RUSC2: variants seen among roughly 807,000 people sequenced by gnomAD.
The protein encoded by RUSC2 is AP-4 complex accessory subunit RUSC2.
In RUSC2, 34 loss-of-function variants were observed where a neutral mutation model predicts 122.2. The observed-to-expected ratio is 0.28, with a 90% confidence interval of 0.21 to 0.37. The LOEUF is 0.37. RUSC2 is among the 10% of genes least tolerant of loss of function. RUSC2 has a pLI of 1.00. For synonymous variants in RUSC2, 784 were observed against 790.0 expected, an observed-to-expected ratio of 0.99 and a Z score of 0.13; for missense variants, 1,747 against 1,952.4, an observed-to-expected ratio of 0.89 and a Z score of 1.98.
At chr9:35,536,164 T>C (rs1821522890) in intron 1 of RUSC2, among the ~76,000 whole-genome samples, 1 of 141,174 alleles carries the variant, frequency 7.1e-6, no homozygotes, top group Non-Finnish European at 1.6e-5. Context: ...CAGTATGCTT[T>C]TTCTTATAAA....
rs201930817 is a variant in RUSC2 at position 35,547,408 on chromosome 9, G to T, written c.887G>T (p.Arg296Leu). ...TACAACAAGATGCATGGCACCCCCCGTGCCAATCTCAACTCTGCCCCACAG... is the reference window on the plus strand; with the variant it reads ...TACAACAAGATGCATGGCACCCCCCTTGCCAATCTCAACTCTGCCCCACAG... ...TLYNKMHGTP[R>L]ANLNSAPQSC... The change falls in exon 2 of 12, where the codon CGT becomes CTT. Residue 296 changes from arginine to leucine, a missense_variant. Transcript: ENST00000361226. The surrounding 1 kb of genome is among the most constrained non-coding windows in gnomAD (Gnocchi z 4.6). 6.2e-7 allele frequency: 1 copy of T among 1,614,106 alleles called. No homozygotes were observed. Among genetic ancestry groups the T allele is most frequent in the Admixed American group, 1.7e-5 (1 of 60,022 alleles).
intron 1 of RUSC2, among the ~76,000 whole-genome samples, chr9:35,517,286 G>A (rs1821126577): frequency 6.6e-6 from 1 of 152,218 alleles, no homozygotes; most frequent in Non-Finnish European, 1.5e-5. Flanking sequence ...GAGTTCCAGA[G>A]ACCTGGCAAA....
chr9:35,560,562 G>T lies in RUSC2; in HGVS notation c.3922G>T (p.Gly1308Cys). ...SSSEKKKGAG[G>C]GGPPQAPPPR... is the part of the protein sequence containing the mutation. ...CAGCGAGAAAAAGAAAGGGGCAGGA[G>T]GTGGGGGACCTCCCCAGGCTCCACC... Residue 1308 changes from glycine to cysteine, a missense_variant, in exon 10 of 12, where the codon GGT becomes TGT. By Grantham distance (159) the Gly-to-Cys change is radical. Transcript: ENST00000361226. 1 of 1,614,164 alleles carries T rather than the reference G, an allele frequency of 6.2e-7. No homozygotes were observed.
In RUSC2 at chr9:35,558,623, G is replaced by C. The variant is rs897544638; in HGVS notation, c.3341+56G>C. 1 of 1,422,526 alleles carries C rather than the reference G, an allele frequency of 7.0e-7. No homozygotes were observed. Among genetic ancestry groups the C allele is most frequent in the Admixed American group, 1.7e-5 (1 of 59,756 alleles). The allele number at this position is 1,422,526 out of a possible 1,614,324, so 88.1% of individuals were successfully genotyped here. On this transcript the variant is annotated intron_variant, in intron 8 of 11. Coordinates refer to ENST00000361226, the MANE Select transcript of RUSC2 (RefSeq NM_014806.5). This position sits in a 1 kb window ranked among gnomAD's most constrained non-coding sequence, Gnocchi z 4.3. ...ACAACTTGCCCTGCCCCCCACCCCC[G>C]GGCTCTGCCTGCACCAAGGAAACAA...
chr9:35,513,674 A>G (rs897290250), intron 1 of RUSC2, among the ~76,000 whole-genome samples: 1 of 151,918 alleles, frequency 6.6e-6, no homozygotes, highest in Admixed American at 6.6e-5. Flanking sequence ...GGATTGCATC[A>G]TGATTTATTT....
intron 1 of RUSC2, among the ~76,000 whole-genome samples, chr9:35,509,724 G>A (rs1035684142): frequency 3.9e-5 from 6 of 152,178 alleles, no homozygotes; most frequent in Admixed American, 1.3e-4. Flanking sequence ...GAGGGATTCA[G>A]GTTAAAGAAA....
chr9:35,527,531 G>T lies in RUSC2; in HGVS notation c.-92-18899G>T, dbSNP rs1318925357. ...ATTTCGTTCTTTTTCAGATCTGCCT[G>T]GTTATTTCTAATAATTCATTGCCAC... On this transcript the variant is annotated intron_variant, in intron 1 of 11. Transcript: ENST00000361226. Among the ~76,000 whole-genome samples, 3 of 151,818 alleles carry T rather than the reference G, an allele frequency of 2.0e-5. No homozygotes were observed. In the East Asian group the frequency reaches 5.8e-4, roughly 29 times the overall value.
intron 1 of RUSC2, among the ~76,000 whole-genome samples, chr9:35,527,827 A>G (rs1420456999): frequency 6.6e-6 from 1 of 152,228 alleles, no homozygotes. Context: ...GCTGTGGAAC[A>G]CCACCTACCA....
rs760073916 is a variant in RUSC2, at chr9:35,547,014, C to T, written c.493C>T (p.Arg165Trp). The change falls in exon 2 of 12, where the codon CGG (arginine) becomes TGG (tryptophan). Residue 165 changes from arginine to tryptophan, a missense_variant. Physicochemically the swap from Arg to Trp is moderately radical, Grantham distance 101 (BLOSUM62 -3). Coordinates refer to ENST00000361226, the MANE Select transcript of RUSC2 (RefSeq NM_014806.5). The surrounding 1 kb of genome is among the most constrained non-coding windows in gnomAD (Gnocchi z 4.6). ...CAGGCCATGGGGGACAACACGCAGT[C>T]GGGCTGGAGTGGTGGAAGGGCAGGA... ...VGRPWGTTRS[R>W]AGVVEGQEQE... The T allele has an allele frequency of 1.1e-5, 18 of 1,605,644 alleles. No individual in the cohort carries two copies. The highest frequency in any genetic ancestry group is 3.3e-5 in the South Asian group (3 of 89,664).
chr9:35,558,441 G>A lies in RUSC2; in HGVS notation c.3236-21G>A. 1 of 1,613,932 alleles carries A rather than the reference G, an allele frequency of 6.2e-7. No individual in the cohort carries two copies. The highest frequency in any genetic ancestry group is 8.5e-7 in the Non-Finnish European group (1 of 1,179,852). On this transcript the variant is annotated intron_variant, in intron 7 of 11. Transcript: ENST00000361226. The surrounding 1 kb of genome is among the most constrained non-coding windows in gnomAD (Gnocchi z 4.3). Reference sequence around the variant, plus strand: ...GCTCCAGAAATTGGTCATGTGACCTGCAACCCTGGCTTCCTCCCAGGCCCA... The same window carrying A: ...GCTCCAGAAATTGGTCATGTGACCTACAACCCTGGCTTCCTCCCAGGCCCA...
intron 2 of RUSC2, among the ~76,000 whole-genome samples, chr9:35,553,894 C>G (rs577160307): frequency 2.0e-5 from 3 of 152,324 alleles, no homozygotes; most frequent in East Asian, 1.9e-4. Context: ...TGGCCTGATA[C>G]AATTTCACAT....
chr9:35,548,687 C>T lies in RUSC2; in HGVS notation c.2014+152C>T. 7.1e-7 allele frequency: 1 copy of T among 1,418,356 alleles called. No homozygotes were observed. The highest frequency in any genetic ancestry group is 9.2e-7 in the Non-Finnish European group (1 of 1,089,472). The allele number at this position is 1,418,356 out of a possible 1,614,324, so 87.9% of individuals were successfully genotyped here. ...TATCCTTCTAGGCCAGGGCAGGACC[C>T]ACAGCTACAGTGGAATAGGCTCACT... is the stretch of plus-strand genomic sequence containing the variant. On this transcript the variant is annotated intron_variant, in intron 2 of 11. Transcript: ENST00000361226. The surrounding 1 kb of genome is among the most constrained non-coding windows in gnomAD (Gnocchi z 4.5).
intron 1 of RUSC2, among the ~76,000 whole-genome samples, chr9:35,539,707 C>G (rs1421154653): frequency 2.0e-5 from 3 of 152,038 alleles, no homozygotes; most frequent in East Asian, 3.9e-4. Flanking sequence ...CAGTGTCTGG[C>G]AGGGGCAGGG....
At chr9:35,524,347 A>G (rs898239932) in intron 1 of RUSC2, among the ~76,000 whole-genome samples, 3 of 152,316 alleles carry the variant, frequency 2.0e-5, no homozygotes, top group Non-Finnish European at 2.9e-5. Flanking sequence ...CCATCATAGT[A>G]AATAACTGAT....
At chr9:35,498,166 T>G (rs961674240) in intron 1 of RUSC2, among the ~76,000 whole-genome samples, 3 of 152,068 alleles carry the variant, frequency 2.0e-5, no homozygotes, top group Non-Finnish European at 2.9e-5. Flanking sequence ...TGGTTTTTTT[T>G]TTTTCCCAAT....
Position 35,558,660 on chromosome 9 carries a change from GAC to G in RUSC2, c.3341+95_3341+96del. ...CACCAAGGAAACAACGCCCTGGACA[GAC>G]AGAAAGGGTGGATCTGGAGGGTCCC... On this transcript the variant is annotated intron_variant, in intron 8 of 11. Coordinates refer to ENST00000361226, the MANE Select transcript of RUSC2 (RefSeq NM_014806.5). This position sits in a 1 kb window ranked among gnomAD's most constrained non-coding sequence, Gnocchi z 4.3. 4 of 1,063,378 alleles carry G rather than the reference GAC, an allele frequency of 3.8e-6. No homozygotes were observed. The highest frequency in any genetic ancestry group is 5.8e-6 in the Non-Finnish European group (4 of 689,450). 65.9% of individuals were successfully genotyped at this position (1,063,378 alleles called of 1,614,324 possible).
chr9:35,548,475 GCTCTCCCA>G lies in RUSC2; in HGVS notation c.1955_1962del (p.Ala652GlyfsTer15). 6.2e-7 allele frequency: 1 copy of G among 1,613,802 alleles called. No individual in the cohort carries two copies. Among genetic ancestry groups the G allele is most frequent in the Non-Finnish European group, 8.5e-7 (1 of 1,180,024 alleles). ...GGCTCAGCTGATGGATCCAGGGCCT[GCTCTCCCA>G]GGGAGCCCAGCCAACAGCCATACCC... On this transcript the variant is annotated frameshift_variant, in exon 2 of 12. Coordinates refer to ENST00000361226, the MANE Select transcript of RUSC2 (RefSeq NM_014806.5). LOFTEE classifies it high-confidence loss of function. This position sits in a 1 kb window ranked among gnomAD's most constrained non-coding sequence, Gnocchi z 4.5.
In RUSC2 at chr9:35,547,429, C is replaced by G. The variant is rs1413639291; in HGVS notation, c.908C>G (p.Pro303Arg). Residue 303 changes from proline to arginine, a missense_variant, in exon 2 of 12, where the codon CCA (proline) becomes CGA (arginine). By Grantham distance (103) the Pro-to-Arg change is moderately radical (BLOSUM62 -2). Coordinates refer to ENST00000361226, the MANE Select transcript of RUSC2 (RefSeq NM_014806.5). This position sits in a 1 kb window ranked among gnomAD's most constrained non-coding sequence, Gnocchi z 4.6. ...GTPRANLNSA[P>R]QSCSDSSFCS... ...CCCCGTGCCAATCTCAACTCTGCCCCACAGTCCTGCAGCGACTCTTCCTTC... is the reference window on the plus strand; with the variant it reads ...CCCCGTGCCAATCTCAACTCTGCCCGACAGTCCTGCAGCGACTCTTCCTTC... 1 of 1,614,066 alleles carries G rather than the reference C, an allele frequency of 6.2e-7. No individual in the cohort carries two copies. Among genetic ancestry groups the G allele is most frequent in the African/African-American group, 1.3e-5 (1 of 74,934 alleles).
chr9:35,538,283 A>C (rs1342339459), intron 1 of RUSC2, among the ~76,000 whole-genome samples: 1 of 152,116 alleles, frequency 6.6e-6, no homozygotes, highest in Non-Finnish European at 1.5e-5. Context: ...TGCAGCCTCC[A>C]TGGTCCTTAA....
Sources: allele counts gnomAD v4.1 joint callset (sites outside exome capture counted in the v4.1 genomes callset), GRCh38; gene constraint gnomAD v4.1.1; non-coding constraint Gnocchi (gnomAD v3.1); transcripts MANE v1.5; gene names NCBI Gene and HGNC (gene_info 2026-07-23, HGNC 2026-07-21).